Variants in SMS observed in about 807,000 individuals in gnomAD.
SMS encodes the protein spermidine aminopropyltransferase.
Under a neutral mutation model 33.0 loss-of-function variants are expected in SMS, and 3 were observed. That is an observed-to-expected ratio of 0.09 (90% CI 0.04 to 0.23). SMS has a LOEUF of 0.23. SMS is among the 10% of genes least tolerant of loss of function. The probability of loss-of-function intolerance (pLI) is 1.00; values close to 1 mark genes in which losing one functional copy is unlikely to be tolerated. For synonymous variants in SMS, 103 were observed against 112.2 expected (o/e 0.92, Z 0.52); for missense variants, 117 against 288.6 (o/e 0.41, Z 4.31).
chrX:21,990,859 G>A (rs1366789299), intron 9 of SMS, among the ~76,000 whole-genome samples: 1 of 112,691 alleles, frequency 8.9e-6, no homozygotes. Context: ...GTGTTTATAT[G>A]CTCTTACGGT....
At chrX:21,974,123 C>G (rs953264145) in intron 4 of SMS, among the ~76,000 whole-genome samples, 1 of 112,284 alleles carries the variant, frequency 8.9e-6, no homozygotes, top group African/African-American at 3.2e-5. Context: ...ACAGGTTTCT[C>G]CAGTTCATGG....
chrX:21,989,430 T>TA (rs1454899470), intron 9 of SMS, among the ~76,000 whole-genome samples: 3 of 111,478 alleles, frequency 2.7e-5, no homozygotes, highest in African/African-American at 6.5e-5. Context: ...GGATTACGGG[T>TA]AAAAAAAGAA....
chrX:21,961,034 C>CTTTT (rs773159264), intron 1 of SMS, among the ~76,000 whole-genome samples: 16 of 41,705 alleles, frequency 3.8e-4, no homozygotes, highest in East Asian at 8.2e-4. Context: ...ATATGCATGT[C>CTTTT]TTTTTTTTTT....
intron 1 of SMS, among the ~76,000 whole-genome samples, chrX:21,943,804 A>G (rs1053572051): frequency 1.8e-5 from 2 of 111,716 alleles, no homozygotes; most frequent in African/African-American, 6.5e-5. Context: ...GATCCTGGCT[A>G]GATTGGGATC....
intron 1 of SMS, among the ~76,000 whole-genome samples, chrX:21,961,462 G>A (rs928526474): frequency 9.0e-6 from 1 of 110,806 alleles, no homozygotes; most frequent in Admixed American, 9.6e-5. Flanking sequence ...TGCACGGGAG[G>A]CAGGTTCCAG....
chrX:21,957,963 T>G (rs1395188436), intron 1 of SMS, among the ~76,000 whole-genome samples: 5 of 110,744 alleles, frequency 4.5e-5, no homozygotes, highest in African/African-American at 1.6e-4. Flanking sequence ...ATATTTGTTT[T>G]TTTTTTTTTT....
chrX:21,990,510 G>GA (rs1243501528), intron 9 of SMS, among the ~76,000 whole-genome samples: 2 of 112,135 alleles, frequency 1.8e-5, no homozygotes, highest in African/African-American at 6.5e-5. Context: ...CTCTTAAAAA[G>GA]AAAAAATGTC....
chrX:21,955,602 T>C (rs773604538), intron 1 of SMS, among the ~76,000 whole-genome samples: 2 of 112,019 alleles, frequency 1.8e-5, no homozygotes, highest in African/African-American at 6.5e-5. Flanking sequence ...TGTTGGGTTG[T>C]AGCATGACCC....
intron 9 of SMS, among the ~76,000 whole-genome samples, chrX:21,985,916 G>A (rs1432929015): frequency 9.0e-6 from 1 of 111,291 alleles, no homozygotes; most frequent in South Asian, 3.7e-4. Context: ...CCTAACTCTG[G>A]AGGCTGAGGT....
intron 1 of SMS, among the ~76,000 whole-genome samples, chrX:21,958,653 C>T (rs1191355772): frequency 8.9e-6 from 1 of 112,317 alleles, no homozygotes; most frequent in East Asian, 2.8e-4. Context: ...CACTAATCTG[C>T]TTTACATCTC....
chrX:21,951,648 T>C (rs1043122664), intron 1 of SMS, among the ~76,000 whole-genome samples: 1 of 111,317 alleles, frequency 9.0e-6, no homozygotes, highest in Non-Finnish European at 1.9e-5. Flanking sequence ...CAGTTTCTGT[T>C]TTCTGCATAT....
chrX:21,962,640 A>G (rs1923437570), intron 1 of SMS, among the ~76,000 whole-genome samples: 1 of 111,591 alleles, frequency 9.0e-6, no homozygotes, highest in South Asian at 3.8e-4. Context: ...GGAATTTTTA[A>G]AAATTCCTCA....
intron 1 of SMS, among the ~76,000 whole-genome samples, chrX:21,944,539 A>AAAAAAAAAAAAG (rs776946474): frequency 2.9e-4 from 24 of 81,424 alleles, no homozygotes; most frequent in Non-Finnish European, 4.2e-4. Flanking sequence ...AAAAAAAAAA[A>AAAAAAAAAAAAG]AAAAAAGAAA....
At chrX:21,991,208 G>A (rs1279112185) in intron 9 of SMS, among the ~76,000 whole-genome samples, 5 of 110,430 alleles carry the variant, frequency 4.5e-5, no homozygotes, top group South Asian at 3.8e-4. Context: ...TTGGAGTTTC[G>A]CTCTTGTTGC....
At chrX:21,991,395 T>C (rs747107956) in intron 9 of SMS, among the ~76,000 whole-genome samples, 35 of 111,016 alleles carry the variant, frequency 3.2e-4, no homozygotes, top group Non-Finnish European at 3.2e-4. Flanking sequence ...GCCAGGCCGG[T>C]CTCAAACTCA....
chrX:21,954,913 G>A (rs1336040933), intron 1 of SMS, among the ~76,000 whole-genome samples: 3 of 110,255 alleles, frequency 2.7e-5, no homozygotes, highest in Non-Finnish European at 5.7e-5. Flanking sequence ...CTTGGCTCAC[G>A]GCAACCCCTG....
At chrX:21,956,302 C>T (rs1159631388) in intron 1 of SMS, among the ~76,000 whole-genome samples, 1 of 111,140 alleles carries the variant, frequency 9.0e-6, no homozygotes, top group African/African-American at 3.3e-5. Context: ...AAATTTTTCA[C>T]GCCACTGTCT....
chrX:21,966,405 ATTC>A (rs1923724785), intron 1 of SMS, among the ~76,000 whole-genome samples: 1 of 111,917 alleles, frequency 8.9e-6, no homozygotes, highest in South Asian at 3.7e-4. Context: ...TTTACCCCTT[ATTC>A]TAAGTATTGT....
At chrX:21,976,867 TG>T (rs1270327028) in intron 4 of SMS, among the ~76,000 whole-genome samples, 193 bp from the exon 5 acceptor site, 1 of 112,449 alleles carries the variant, frequency 8.9e-6, no homozygotes, top group Non-Finnish European at 1.9e-5. Flanking sequence ...TTTTAAAAAG[TG>T]AACTGTGTAC....
Sources: allele counts gnomAD v4.1 joint callset (sites outside exome capture counted in the v4.1 genomes callset), GRCh38; gene constraint gnomAD v4.1.1; transcripts MANE v1.5; gene names NCBI Gene and HGNC (gene_info 2026-07-23, HGNC 2026-07-21).